CACNA2D3: variants seen among roughly 807,000 people sequenced by gnomAD.
CACNA2D3 encodes calcium voltage-gated channel auxiliary subunit alpha2delta 3, also known as voltage-dependent calcium channel subunit alpha-2/delta-3.
In CACNA2D3, 60 loss-of-function variants were observed where a neutral mutation model predicts 160.6. The observed-to-expected ratio is 0.37, with a 90% CI of 0.30 to 0.46. CACNA2D3 has a LOEUF of 0.46. CACNA2D3 is among the 20% of genes least tolerant of loss of function. The pLI, the probability that CACNA2D3 is intolerant of heterozygous loss-of-function variation, is 1.00. For synonymous variants in CACNA2D3, 558 were observed against 492.9 expected (o/e 1.13, Z -1.75); for missense variants, 1,205 against 1,365.0 (o/e 0.88, Z 1.85).
chr3:54,123,396 A>G, intron 1 of CACNA2D3, 117 bp from the exon 2 acceptor site: 1 of 765,852 alleles, frequency 1.3e-6, no homozygotes, highest in East Asian at 2.5e-5. Flanking sequence ...TCTTCTTTTA[A>G]AACATGTTAC....
At position 54,821,443 on chromosome 3, in the gene CACNA2D3, A is replaced by AT. The variant is rs550912779; in HGVS notation, c.1398+4574dup. On this transcript the variant is annotated intron_variant, in intron 14 of 37. Coordinates refer to ENST00000474759, the MANE Select transcript of CACNA2D3 (RefSeq NM_018398.3). Reference sequence around the variant, plus strand: ...TGATTTTCTGTGCTGCTTAACTTGTATGAGGACTCAGGAGTGCATAAATTA... The same window carrying AT: ...TGATTTTCTGTGCTGCTTAACTTGTATTGAGGACTCAGGAGTGCATAAATTA... 1.4e-4 allele frequency among the ~76,000 whole-genome samples: 21 copies of AT among 152,318 alleles called. No homozygotes were observed. In the South Asian group the frequency reaches 4.4e-3, roughly 32 times the overall value.
chr3:54,455,350 T>C (rs1700379016), intron 4 of CACNA2D3, among the ~76,000 whole-genome samples: 1 of 152,170 alleles, frequency 6.6e-6, no homozygotes, highest in Admixed American at 6.6e-5. Context: ...ATGTTGAGCA[T>C]TTTTTAACAT....
intron 10 of CACNA2D3, among the ~76,000 whole-genome samples, chr3:54,631,778 C>G (rs1699242604): frequency 6.6e-6 from 1 of 152,210 alleles, no homozygotes; most frequent in African/African-American, 2.4e-5. Flanking sequence ...TCATTAGATT[C>G]TGTAAGAACA....
At chr3:54,551,709 C>T (rs887531290) in intron 5 of CACNA2D3, among the ~76,000 whole-genome samples, 4 of 152,148 alleles carry the variant, frequency 2.6e-5, no homozygotes, top group Admixed American at 6.5e-5. Flanking sequence ...GTGCTCTGGC[C>T]GTCGTGTTCA....
chr3:54,335,723 G>A (rs781101560), intron 3 of CACNA2D3, among the ~76,000 whole-genome samples: 2 of 151,966 alleles, frequency 1.3e-5, no homozygotes, highest in African/African-American at 2.4e-5. Flanking sequence ...ATGGAGTTGC[G>A]GCCAGGCGCA....
intron 27 of CACNA2D3, among the ~76,000 whole-genome samples, chr3:54,938,100 G>T (rs1241462693): frequency 1.3e-5 from 2 of 152,192 alleles, no homozygotes; most frequent in Non-Finnish European, 2.9e-5. Context: ...GTTGGCAGTT[G>T]TGGGCAAATC....
intron 18 of CACNA2D3, among the ~76,000 whole-genome samples, chr3:54,872,197 ACG>A (rs1441962116): frequency 6.6e-6 from 1 of 151,892 alleles, no homozygotes; most frequent in Non-Finnish European, 1.5e-5. Flanking sequence ...CTTTTTCCCC[ACG>A]TAGATTCAGC....
intron 4 of CACNA2D3, among the ~76,000 whole-genome samples, chr3:54,454,978 G>C (rs1251770681): frequency 6.6e-6 from 1 of 152,020 alleles, no homozygotes; most frequent in Non-Finnish European, 1.5e-5. Context: ...TTCCACATTT[G>C]CTCTGTTCAT....
chr3:54,480,300 C>G (rs1306521672), intron 4 of CACNA2D3, among the ~76,000 whole-genome samples: 1 of 152,146 alleles, frequency 6.6e-6, no homozygotes, highest in Non-Finnish European at 1.5e-5. Context: ...GATTTTTCAT[C>G]ATGCCTTTTC....
intron 4 of CACNA2D3, among the ~76,000 whole-genome samples, chr3:54,428,592 T>TTC (rs1553662284): frequency 6.6e-6 from 1 of 152,170 alleles, no homozygotes; most frequent in Non-Finnish European, 1.5e-5. Flanking sequence ...TTTTTTTTTT[T>TTC]TCACCTTTTA....
intron 2 of CACNA2D3, among the ~76,000 whole-genome samples, chr3:54,242,980 C>T (rs1318952737): frequency 1.3e-5 from 2 of 152,190 alleles, no homozygotes; most frequent in African/African-American, 2.4e-5. Context: ...TATGGAAAAG[C>T]TCTGTAGAAA....
intron 11 of CACNA2D3, among the ~76,000 whole-genome samples, chr3:54,694,891 T>TA (rs1700635761): frequency 6.6e-6 from 1 of 152,256 alleles, no homozygotes. Flanking sequence ...AATGCATAGT[T>TA]AAAATCCCAA....
chr3:54,492,158 C>T (rs1021497480), intron 4 of CACNA2D3, among the ~76,000 whole-genome samples: 1 of 152,088 alleles, frequency 6.6e-6, no homozygotes, highest in Non-Finnish European at 1.5e-5. Flanking sequence ...CCTGGTGGCA[C>T]CTCTATCAGA....
At chr3:54,821,170 C>T (rs886681083) in intron 14 of CACNA2D3, among the ~76,000 whole-genome samples, 15 of 152,132 alleles carry the variant, frequency 9.9e-5, no homozygotes, top group Non-Finnish European at 2.1e-4. Flanking sequence ...TTCCTGACAC[C>T]GTATTAGTTA....
chr3:54,963,306 T>G (rs12498130), intron 27 of CACNA2D3, among the ~76,000 whole-genome samples: 7 of 151,872 alleles, frequency 4.6e-5, no homozygotes, highest in Non-Finnish European at 1.0e-4. Context: ...TGGAGAATTG[T>G]ACCTTCCATC....
intron 4 of CACNA2D3, among the ~76,000 whole-genome samples, chr3:54,444,448 T>A (rs1161074615): frequency 3.3e-5 from 5 of 152,212 alleles, no homozygotes; most frequent in Non-Finnish European, 7.3e-5. Flanking sequence ...TGTCTTTTGC[T>A]TGCAACCAAA....
chr3:54,953,811 C>T (rs1187764444), intron 27 of CACNA2D3, among the ~76,000 whole-genome samples: 5 of 152,196 alleles, frequency 3.3e-5, no homozygotes, highest in East Asian at 1.9e-4. Context: ...CAAGTCAGTG[C>T]GCACAACCCT....
rs377667754 is a variant in CACNA2D3 at position 54,887,993 on chromosome 3, C to G, written c.2091C>G (p.Asp697Glu). The G allele has an allele frequency of 2.5e-6, 4 of 1,613,738 alleles. No individual in the cohort carries two copies. Among genetic ancestry groups the G allele is most frequent in the African/African-American group, 1.3e-5 (1 of 74,902 alleles). Residue 697 changes from aspartate to glutamate, a missense_variant, in exon 24 of 38, where the codon GAC (aspartate) becomes GAG (glutamate). By Grantham distance (45) the Asp-to-Glu change is conservative. Around this residue, in one of 3 missense-constraint regions of CACNA2D3, gnomAD observed 911 missense variants for 1,002.2 expected, o/e 0.91. Coordinates refer to ENST00000474759, the MANE Select transcript of CACNA2D3 (RefSeq NM_018398.3). ...DKELIQEVLFDAVVSAPIEAY... is the reference protein window; with the variant it reads ...DKELIQEVLFEAVVSAPIEAY... ...AATTGATCCAAGAAGTCCTTTTTGACGCGGTGGTGAGTGCCCCCATTGAAG... is the reference window on the plus strand; with the variant it reads ...AATTGATCCAAGAAGTCCTTTTTGAGGCGGTGGTGAGTGCCCCCATTGAAG...
chr3:55,022,844 T>C (rs1317080443), intron 35 of CACNA2D3, among the ~76,000 whole-genome samples: 2 of 152,012 alleles, frequency 1.3e-5, no homozygotes, highest in Non-Finnish European at 2.9e-5. Context: ...TTTTGTTAAG[T>C]TGGATTACCT....
Sources: allele counts gnomAD v4.1 joint callset (sites outside exome capture counted in the v4.1 genomes callset), GRCh38; gene constraint gnomAD v4.1.1; regional missense constraint gnomAD v4.1.1; transcripts MANE v1.5; gene names NCBI Gene and HGNC (gene_info 2026-07-23, HGNC 2026-07-21).